COL24A1: variants seen among roughly 807,000 people sequenced by gnomAD.
COL24A1 encodes the protein collagen alpha-1(XXIV) chain.
Under a neutral mutation model 253.9 loss-of-function variants are expected in COL24A1, and 224 were observed. That is an observed-to-expected ratio of 0.88 (90% CI 0.79 to 0.99). The LOEUF is 0.99. Among genes scored for constraint, COL24A1 ranks in the 50% least tolerant of loss-of-function variants. The probability of loss-of-function intolerance (pLI) is 0.00; values close to 1 mark genes in which losing one functional copy is unlikely to be tolerated. For synonymous variants in COL24A1, 685 were observed against 673.7 expected (o/e 1.02, Z -0.26); for missense variants, 2,131 against 2,068.5 (o/e 1.03, Z -0.59).
In COL24A1 at chr1:85,729,371, C is replaced by T. The variant is rs1032806479; in HGVS notation, c.*1175G>A. 2 of 152,126 alleles carry T rather than the reference C, an allele frequency of 1.3e-5. No individual in the cohort carries two copies. The highest frequency in any genetic ancestry group is 2.9e-5 in the Non-Finnish European group (2 of 67,996). The allele number at this position is 152,126 out of a possible 1,614,324, so 9.4% of individuals were successfully genotyped here. On this transcript the variant is annotated 3_prime_UTR_variant, in exon 60 of 60. Transcript: ENST00000370571. ...CTTTCAGTATTGAACTAATATTTCT[C>T]TGATAACAAGGAGACATTGAACTGG... is the stretch of plus-strand genomic sequence containing the variant.
intron 31 of COL24A1, among the ~76,000 whole-genome samples, chr1:85,894,540 G>A (rs1683455443): frequency 1.4e-5 from 1 of 71,242 alleles, no homozygotes; most frequent in East Asian, 4.7e-4. Context: ...TATTTCTCTG[G>A]GTCTCATTTT....
At chr1:86,089,258 T>C (rs769612929) in intron 6 of COL24A1, 31 bp from the exon 7 acceptor site, 18 of 1,525,184 alleles carry the variant, frequency 1.2e-5, no homozygotes, top group Non-Finnish European at 1.5e-5. Context: ...TTTAATGTCA[T>C]GAAAGAGAAC....
chr1:85,823,399 C>T (rs1842579), intron 45 of COL24A1, 137 bp downstream of exon 45: 278,910 of 741,180 alleles, frequency 0.38, 56,349 homozygotes, highest in Non-Finnish European at 0.43. Flanking sequence ...AAACACCCTA[C>T]TTAGAGGCCC....
At chr1:85,972,117 TCTC>T (rs138553481) in intron 20 of COL24A1, among the ~76,000 whole-genome samples, 10,197 of 152,232 alleles carry the variant, frequency 0.067, 617 homozygotes, top group Admixed American at 0.2. Context: ...TAAGTTCTGT[TCTC>T]CTAATTATTC....
intron 12 of COL24A1, among the ~76,000 whole-genome samples, chr1:86,043,501 T>C (rs987341907): frequency 6.6e-6 from 1 of 152,030 alleles, no homozygotes; most frequent in Non-Finnish European, 1.5e-5. Flanking sequence ...CAATGAAACA[T>C]CAATCCAAAC....
intron 47 of COL24A1, among the ~76,000 whole-genome samples, chr1:85,809,326 G>A (rs1373703363): frequency 6.6e-6 from 1 of 152,112 alleles, no homozygotes; most frequent in Non-Finnish European, 1.5e-5. Flanking sequence ...TTCATTCCCT[G>A]AGCAAGGAAG....
intron 18 of COL24A1, among the ~76,000 whole-genome samples, chr1:86,017,828 C>T (rs1459017406): frequency 6.6e-6 from 1 of 152,204 alleles, no homozygotes; most frequent in African/African-American, 2.4e-5. Context: ...ATTTTACAAT[C>T]ATTATTCCTT....
At chr1:85,834,097 C>T (rs1370246637) in intron 43 of COL24A1, among the ~76,000 whole-genome samples, 1 of 150,944 alleles carries the variant, frequency 6.6e-6, no homozygotes, top group Non-Finnish European at 1.5e-5. Flanking sequence ...GCACATGTAC[C>T]CTAAAACTTA....
At chr1:85,870,103 C>T (rs1366039873) in intron 35 of COL24A1, among the ~76,000 whole-genome samples, 2 of 152,066 alleles carry the variant, frequency 1.3e-5, no homozygotes, top group Non-Finnish European at 2.9e-5. Flanking sequence ...ACAAAGAGGG[C>T]CATTACATAA....
chr1:86,013,710 C>T (rs1334332683), intron 19 of COL24A1, among the ~76,000 whole-genome samples: 1 of 152,108 alleles, frequency 6.6e-6, no homozygotes. Flanking sequence ...GTGGCAGGCA[C>T]CTGTAATCCC....
At chr1:85,756,648 A>T (rs1251315851) in intron 55 of COL24A1, among the ~76,000 whole-genome samples, 1 of 152,228 alleles carries the variant, frequency 6.6e-6, no homozygotes, top group Non-Finnish European at 1.5e-5. Context: ...TATGGAAAAC[A>T]GTATGGCAGT....
chr1:85,830,752 A>C (rs1482576342), intron 43 of COL24A1, among the ~76,000 whole-genome samples: 1 of 152,126 alleles, frequency 6.6e-6, no homozygotes, highest in Non-Finnish European at 1.5e-5. Flanking sequence ...GCGCTTGCCG[A>C]GTGAGGCAAT....
At chr1:85,832,351 C>T (rs1553192204) in intron 43 of COL24A1, among the ~76,000 whole-genome samples, 1 of 151,982 alleles carries the variant, frequency 6.6e-6, no homozygotes, top group Admixed American at 6.6e-5. Flanking sequence ...AGTTTGAAGT[C>T]AGGTAGCGTG....
chr1:86,074,288 C>CA (rs35024370), intron 7 of COL24A1, among the ~76,000 whole-genome samples: 51,871 of 151,256 alleles, frequency 0.34, 9,292 homozygotes, highest in Middle Eastern at 0.51. Flanking sequence ...CAAATGAAAT[C>CA]AAAAAAGGAA....
At chr1:85,911,707 G>A (rs1685386910) in intron 24 of COL24A1, among the ~76,000 whole-genome samples, 1 of 152,048 alleles carries the variant, frequency 6.6e-6, no homozygotes, top group Admixed American at 6.6e-5. Context: ...TGTCCATGTG[G>A]AACTGACATG....
At chr1:85,800,585 CA>C in intron 47 of COL24A1, among the ~76,000 whole-genome samples, 1 of 152,198 alleles carries the variant, frequency 6.6e-6, no homozygotes, top group South Asian at 2.1e-4. Flanking sequence ...GGAAAATGAG[CA>C]GAATTAAAGT....
chr1:85,846,537 A>C (rs115036513), intron 39 of COL24A1, among the ~76,000 whole-genome samples: 1,696 of 152,100 alleles, frequency 0.011, 31 homozygotes, highest in African/African-American at 0.039. Flanking sequence ...GAGTGATTGC[A>C]AATCAATAAG....
intron 5 of COL24A1, among the ~76,000 whole-genome samples, chr1:86,098,595 C>A (rs1704198110): frequency 6.6e-6 from 1 of 152,106 alleles, no homozygotes; most frequent in African/African-American, 2.4e-5. Context: ...TTGGTAAACA[C>A]CTTTCCATTG....
At chr1:85,741,192 T>C (rs1664597536) in intron 57 of COL24A1, among the ~76,000 whole-genome samples, 1 of 151,992 alleles carries the variant, frequency 6.6e-6, no homozygotes, top group Admixed American at 6.6e-5. Flanking sequence ...TACTTGCAGA[T>C]TTAAATTCTA....
Sources: gnomAD v4.1 joint callset for allele counts (sites outside exome capture counted in the v4.1 genomes callset) on GRCh38, gnomAD v4.1.1 for gene constraint, MANE v1.5 for transcripts, NCBI Gene and HGNC (gene_info 2026-07-23, HGNC 2026-07-21) for gene names.